Variants in TSHZ3 observed in about 807,000 individuals in gnomAD.
TSHZ3 encodes the protein teashirt homolog 3.
Under a neutral mutation model 64.5 loss-of-function variants are expected in TSHZ3, and 10 were observed. The ratio of observed to expected loss-of-function variants is 0.16; its 90% CI spans 0.10 to 0.26. The LOEUF (loss-of-function observed/expected upper bound fraction) is 0.26, where lower values mean the gene tolerates loss of function less well. Among genes scored for constraint, TSHZ3 ranks in the 10% least tolerant of loss-of-function variants. The pLI is 1.00. For missense variants in TSHZ3, 1,242 were observed against 1,421.7 expected, an observed-to-expected ratio of 0.87 and a Z score of 2.03; for synonymous variants, 608 against 593.1, an observed-to-expected ratio of 1.03 and a Z score of -0.36.
chr19:31,162,067 G>A (rs114521971), intron 5 of TSHZ3, among the ~76,000 whole-genome samples: 3,855 of 152,224 alleles, frequency 0.025, 150 homozygotes, highest in African/African-American at 0.087. Flanking sequence ...CTCATCAGTG[G>A]CTGTGCTCAT....
At chr19:31,184,179 C>T (rs1974768554) in intron 5 of TSHZ3, among the ~76,000 whole-genome samples, 1 of 152,074 alleles carries the variant, frequency 6.6e-6, no homozygotes, top group Non-Finnish European at 1.5e-5. Context: ...TTTTTTGTTG[C>T]AATCATCTGT....
intron 1 of TSHZ3, among the ~76,000 whole-genome samples, chr19:31,319,809 A>C (rs1320223393): frequency 6.6e-6 from 1 of 152,172 alleles, no homozygotes; most frequent in Non-Finnish European, 1.5e-5. Context: ...CTTTGAAAAA[A>C]AAAGGCTGCT....
intron 1 of TSHZ3, among the ~76,000 whole-genome samples, chr19:31,330,167 G>T (rs944502158): frequency 2.0e-5 from 3 of 151,386 alleles, no homozygotes; most frequent in African/African-American, 7.3e-5. Flanking sequence ...TAACCAAAAG[G>T]TTGGTTTCTC....
chr19:31,249,137 G>A (rs1255811333), intron 1 of TSHZ3, among the ~76,000 whole-genome samples: 1 of 152,050 alleles, frequency 6.6e-6, no homozygotes, highest in Non-Finnish European at 1.5e-5. Context: ...AGCACAGAGT[G>A]GGTGAGGAGC....
chr19:31,295,118 C>T (rs1568372193), intron 1 of TSHZ3, among the ~76,000 whole-genome samples: 2 of 152,056 alleles, frequency 1.3e-5, no homozygotes, highest in Admixed American at 6.5e-5. Flanking sequence ...TAAAGTATAC[C>T]CATATCATGA....
chr19:31,280,136 AAT>A (rs915990507), intron 1 of TSHZ3, among the ~76,000 whole-genome samples: 1 of 152,188 alleles, frequency 6.6e-6, no homozygotes, highest in African/African-American at 2.4e-5. Flanking sequence ...TCTGTCAATT[AAT>A]ATGTCTTATG....
intron 1 of TSHZ3, among the ~76,000 whole-genome samples, chr19:31,340,437 T>C (rs1227032458): frequency 1.4e-5 from 1 of 70,136 alleles, no homozygotes; most frequent in Non-Finnish European, 2.8e-5. Flanking sequence ...TGAAAAAAAA[T>C]AATTCCCAGC....
intron 3 of TSHZ3, among the ~76,000 whole-genome samples, chr19:31,241,914 C>G (rs1975695961): frequency 1.3e-5 from 2 of 152,220 alleles, no homozygotes; most frequent in Admixed American, 6.5e-5. Flanking sequence ...TTCCGTAAAC[C>G]TGTGAGGTTC....
upstream of TSHZ3, among the ~76,000 whole-genome samples, chr19:31,349,817 C>T (rs1391841180): frequency 3.4e-5 from 5 of 145,022 alleles, no homozygotes; most frequent in African/African-American, 1.3e-4. Context: ...CTGCCCGTGG[C>T]GCGGCTGGAG....
chr19:31,213,561 A>G (rs546861702), intron 4 of TSHZ3, among the ~76,000 whole-genome samples: 112 of 152,156 alleles, frequency 7.4e-4, no homozygotes, highest in African/African-American at 2.5e-3. Flanking sequence ...ATAGCTATGT[A>G]CTTTGGGTGG....
At chr19:31,226,973 C>CT (rs1255178594) in intron 4 of TSHZ3, among the ~76,000 whole-genome samples, 8 of 68,152 alleles carry the variant, frequency 1.2e-4, no homozygotes, top group African/African-American at 6.3e-4. Context: ...TTCTTTCTTT[C>CT]TTTCTTTTTT....
intron 5 of TSHZ3, among the ~76,000 whole-genome samples, chr19:31,165,322 G>A (rs967642807): frequency 1.3e-5 from 2 of 152,266 alleles, no homozygotes; most frequent in Admixed American, 6.5e-5. Flanking sequence ...AGAAGTTGCA[G>A]ATGGGAGCAC....
intron 4 of TSHZ3, among the ~76,000 whole-genome samples, chr19:31,223,365 CGTGT>C (rs10551485): frequency 0.044 from 6,193 of 142,104 alleles, 208 homozygotes; most frequent in African/African-American, 0.1. Flanking sequence ...GTTCTTATAA[CGTGT>C]GTGTGTGTGT....
intron 6 of TSHZ3, among the ~76,000 whole-genome samples, chr19:31,156,098 G>A (rs1974302641): frequency 6.6e-6 from 1 of 152,148 alleles, no homozygotes. Context: ...ACATATTATG[G>A]AAGAAGCACA....
At chr19:31,314,546 G>A (rs114277864) in intron 1 of TSHZ3, among the ~76,000 whole-genome samples, 206 of 152,318 alleles carry the variant, frequency 1.4e-3, no homozygotes, top group African/African-American at 4.8e-3. Flanking sequence ...ACATCCCCTT[G>A]TGATACTACA....
intron 5 of TSHZ3, among the ~76,000 whole-genome samples, chr19:31,161,898 C>T (rs1216954101): frequency 3.3e-5 from 5 of 152,212 alleles, no homozygotes; most frequent in Non-Finnish European, 5.9e-5. Context: ...GTTCCAGTGA[C>T]GCTATTTCAA....
Position 31,277,434 on chromosome 19 carries a change from C to A in TSHZ3, c.2359G>T (p.Asp787Tyr). The change falls in exon 2 of 2, where the codon GAC becomes TAC. Residue 787 changes from aspartate (D) to tyrosine (Y), a missense_variant. Asp to Tyr is a radical substitution (Grantham distance 160). Transcript: ENST00000240587. This position sits in a 1 kb window ranked among gnomAD's most constrained non-coding sequence, Gnocchi z 4.5. The stretch of plus-strand genomic sequence containing the variant: ...CCTTTTGTCAAGTCTATGGGCTGGT[C>A]GTTGTTGACGTGGTAGAAATAGCGG... Reference protein sequence around the residue: ...LDRYFYHVNNDQPIDLTKGKS... With the variant: ...LDRYFYHVNNYQPIDLTKGKS... 1 of 1,613,810 alleles carries A rather than the reference C, an allele frequency of 6.2e-7. No individual in the cohort carries two copies. Among genetic ancestry groups the A allele is most frequent in the South Asian group, 1.1e-5 (1 of 91,016 alleles).
chr19:31,273,164 C>G (rs573346260), downstream of TSHZ3, among the ~76,000 whole-genome samples: 45 of 152,196 alleles, frequency 3.0e-4, no homozygotes, highest in Admixed American at 1.0e-3. Flanking sequence ...AGGGGGAGAC[C>G]GTAACAAACC....
intron 1 of TSHZ3, among the ~76,000 whole-genome samples, chr19:31,314,070 T>C (rs1004267587): frequency 1.3e-5 from 2 of 152,162 alleles, no homozygotes; most frequent in Non-Finnish European, 2.9e-5. Flanking sequence ...CGAGTGGCTG[T>C]TGGGCTCACC....
Sources: allele counts gnomAD v4.1 joint callset (sites outside exome capture counted in the v4.1 genomes callset), GRCh38; gene constraint gnomAD v4.1.1; non-coding constraint Gnocchi (gnomAD v3.1); transcripts MANE v1.5; gene names NCBI Gene and HGNC (gene_info 2026-07-23, HGNC 2026-07-21).